Variants in ADCY2 observed in about 807,000 individuals in gnomAD.
ADCY2 encodes adenylate cyclase 2.
In ADCY2, 31 loss-of-function variants were observed where a neutral mutation model predicts 125.2. That is an observed-to-expected ratio of 0.25 (90% CI 0.19 to 0.33). The LOEUF is 0.33. Ranked by LOEUF, ADCY2 falls within the 10% of genes least tolerant of loss-of-function variation. The probability of loss-of-function intolerance (pLI) is 1.00; values close to 1 mark genes in which losing one functional copy is unlikely to be tolerated. For missense variants in ADCY2, 904 were observed against 1,418.2 expected, an observed-to-expected ratio of 0.64 and a Z score of 5.82; for synonymous variants, 512 against 548.4, an observed-to-expected ratio of 0.93 and a Z score of 0.93.
chr5:7,580,663 T>C (rs906606974), intron 3 of ADCY2, among the ~76,000 whole-genome samples: 17 of 152,178 alleles, frequency 1.1e-4, no homozygotes, highest in African/African-American at 4.1e-4. Flanking sequence ...GAAGAACATA[T>C]ATTTGGGGAA....
intron 2 of ADCY2, among the ~76,000 whole-genome samples, chr5:7,468,469 A>C (rs1742210308): frequency 6.6e-6 from 1 of 152,308 alleles, no homozygotes; most frequent in Non-Finnish European, 1.5e-5. Context: ...GATAGATCAA[A>C]TATATTCATT....
chr5:7,487,450 A>G (rs1021353294), intron 2 of ADCY2, among the ~76,000 whole-genome samples: 6 of 152,192 alleles, frequency 3.9e-5, no homozygotes, highest in Non-Finnish European at 5.9e-5. Context: ...TTTGGTTATC[A>G]TTTGTTAAAA....
At position 7,612,568 on chromosome 5, in the gene ADCY2, G is replaced by A. The variant is rs1737602092; in HGVS notation, c.571-13599G>A. ...TCTACCCTGAAGCAGGAATGCTGCT[G>A]TATTTGTCAGTCATTGACTATATGA... is the stretch of plus-strand genomic sequence containing the variant. On this transcript the variant is annotated intron_variant, in intron 3 of 24. Coordinates refer to ENST00000338316, the MANE Select transcript of ADCY2 (RefSeq NM_020546.3). Among the ~76,000 whole-genome samples, 2 of 152,344 alleles carry A rather than the reference G, an allele frequency of 1.3e-5. 1 individual carries two copies. Among genetic ancestry groups the A allele is most frequent in the South Asian group, 4.1e-4 (2 of 4,832 alleles).
At chr5:7,501,652 C>CT (rs1033282187) in intron 2 of ADCY2, among the ~76,000 whole-genome samples, 2 of 103,816 alleles carry the variant, frequency 1.9e-5, no homozygotes, top group Non-Finnish European at 2.2e-5. Flanking sequence ...CCCCTCCCCC[C>CT]CCCCCCGCCA....
intron 2 of ADCY2, among the ~76,000 whole-genome samples, chr5:7,498,518 G>T (rs1257889073): frequency 6.6e-6 from 1 of 152,080 alleles, no homozygotes; most frequent in Admixed American, 6.6e-5. Flanking sequence ...AAAGTGCTGG[G>T]ATTACAGGCG....
intron 3 of ADCY2, among the ~76,000 whole-genome samples, chr5:7,624,850 C>A (rs1358223872): frequency 6.6e-5 from 10 of 152,094 alleles, no homozygotes. Context: ...AGTGACCTGT[C>A]TTGGTGGGAA....
chr5:7,748,346 G>A (rs1193864677), intron 15 of ADCY2, among the ~76,000 whole-genome samples: 3 of 151,982 alleles, frequency 2.0e-5, no homozygotes, highest in Non-Finnish European at 2.9e-5. Context: ...TTTCTACATC[G>A]GATGCTATTT....
chr5:7,765,368 T>A (rs1240473584), intron 16 of ADCY2, among the ~76,000 whole-genome samples: 1 of 152,208 alleles, frequency 6.6e-6, no homozygotes, highest in African/African-American at 2.4e-5. Flanking sequence ...CAAGCAATTA[T>A]TCCATTCGTA....
chr5:7,526,257 T>C (rs1421795788), intron 3 of ADCY2, among the ~76,000 whole-genome samples: 1 of 152,166 alleles, frequency 6.6e-6, no homozygotes, highest in Non-Finnish European at 1.5e-5. Context: ...CGGGGCCTTG[T>C]CTGATGGCTT....
rs914182463 is a variant in ADCY2 at position 7,826,943 on chromosome 5, T to C, written c.*72T>C. 1 of 1,530,056 alleles carries C rather than the reference T, an allele frequency of 6.5e-7. No individual in the cohort carries two copies. Among genetic ancestry groups the C allele is most frequent in the Non-Finnish European group, 8.8e-7 (1 of 1,137,732 alleles). 94.8% of individuals were successfully genotyped at this position (1,530,056 alleles called of 1,614,324 possible). ...TCACACACTTTCTGACTGCAACTTC[T>C]GTCCCTTGTTTTTGATGTGCGTGCT... On this transcript the variant is annotated 3_prime_UTR_variant, in exon 25 of 25. Transcript: ENST00000338316.
chr5:7,518,834 C>A (rs974437720), intron 2 of ADCY2, among the ~76,000 whole-genome samples: 11 of 152,188 alleles, frequency 7.2e-5, no homozygotes, highest in Non-Finnish European at 1.5e-4. Context: ...TCTCAGGACG[C>A]AGACTGTGAG....
chr5:7,538,916 T>C (rs1307527628), intron 3 of ADCY2, among the ~76,000 whole-genome samples: 2 of 146,260 alleles, frequency 1.4e-5, no homozygotes, highest in Non-Finnish European at 3.0e-5. Context: ...CAGACTGGAG[T>C]GCAGTGGCAC....
Position 7,626,157 on chromosome 5 carries a change from GTCTCTT to G in ADCY2, c.571-8_571-3del, listed in dbSNP as rs1561131726. 9 of 1,608,218 alleles carry G rather than the reference GTCTCTT, an allele frequency of 5.6e-6. No homozygotes were observed. Among genetic ancestry groups the G allele is most frequent in the Admixed American group, 3.4e-5 (2 of 58,462 alleles). On this transcript the variant is annotated splice_region_variant and splice_polypyrimidine_tract_variant and intron_variant, in intron 3 of 24. Coordinates refer to ENST00000338316, the MANE Select transcript of ADCY2 (RefSeq NM_020546.3). ...GTTACCCTATTGAGCAGCTCTTTCT[GTCTCTT>G]TAGATCCTGGCCAATGTGATCATTT...
At chr5:7,742,128 C>CAAAAA (rs1207472213) in intron 14 of ADCY2, among the ~76,000 whole-genome samples, 2 of 116,136 alleles carry the variant, frequency 1.7e-5, no homozygotes, top group African/African-American at 6.9e-5. Context: ...GCATAGTGCC[C>CAAAAA]AAAAAAAAAA....
chr5:7,669,875 T>A (rs898232375), intron 4 of ADCY2, among the ~76,000 whole-genome samples: 2 of 152,134 alleles, frequency 1.3e-5, no homozygotes, highest in Admixed American at 6.5e-5. Context: ...CGGGCAGGGT[T>A]ATGTAGAGGA....
rs552346927 is a variant in ADCY2, at chr5:7,631,918, A to T, written c.720+5602A>T. ...ATGTTCAGTTTACCTTTTGCCAATG[A>T]AACGGACCTTACGAGGACTCATCAA... On this transcript the variant is annotated intron_variant, in intron 4 of 24. Coordinates refer to ENST00000338316, the MANE Select transcript of ADCY2 (RefSeq NM_020546.3). 2.6e-5 allele frequency among the ~76,000 whole-genome samples: 4 copies of T among 152,306 alleles called. No homozygotes were observed. The South Asian group carries it at 8.3e-4, about 32-fold the overall frequency.
At chr5:7,575,953 G>A (rs1310963687) in intron 3 of ADCY2, among the ~76,000 whole-genome samples, 1 of 152,180 alleles carries the variant, frequency 6.6e-6, no homozygotes, top group Non-Finnish European at 1.5e-5. Flanking sequence ...GTGTGTGTAT[G>A]TCTGTGTATT....
chr5:7,789,691 A>C lies in ADCY2; in HGVS notation c.2519A>C (p.Lys840Thr), dbSNP rs1219508897. ...LDFLWKNKFK[K>T]EREEIETMEN... ...TTCTTATGGAAGAACAAATTCAAAA[A>C]AGAGCGGGAGGAGATAGAGACCATG... is the stretch of plus-strand genomic sequence containing the variant. Residue 840 changes from lysine (K) to threonine (T), a missense_variant, in exon 20 of 25, where the codon AAA becomes ACA. This residue lies in a region of ADCY2 where 181 missense variants were observed against 381.6 expected (regional missense o/e 0.47). Coordinates refer to ENST00000338316, the MANE Select transcript of ADCY2 (RefSeq NM_020546.3). 1.2e-6 allele frequency: 2 copies of C among 1,614,116 alleles called. No individual in the cohort carries two copies. The highest frequency in any genetic ancestry group is 1.1e-5 in the South Asian group (1 of 91,058).
intron 2 of ADCY2, among the ~76,000 whole-genome samples, chr5:7,482,793 C>CT (rs1561050290): frequency 4.4e-5 from 5 of 112,624 alleles, no homozygotes; most frequent in Non-Finnish European, 8.8e-5. Flanking sequence ...TATATATATA[C>CT]ACACACACAT....
Sources: allele counts gnomAD v4.1 joint callset (sites outside exome capture counted in the v4.1 genomes callset), GRCh38; gene constraint gnomAD v4.1.1; regional missense constraint gnomAD v4.1.1; transcripts MANE v1.5; gene names NCBI Gene and HGNC (gene_info 2026-07-23, HGNC 2026-07-21).